SUGCT: variants seen among roughly 807,000 people sequenced by gnomAD.
The protein encoded by SUGCT is succinyl-CoA:glutarate CoA-transferase.
In SUGCT, 41 loss-of-function variants were observed where a neutral mutation model predicts 55.0. That is an observed-to-expected ratio of 0.74 (90% confidence interval 0.58 to 0.97). SUGCT has a LOEUF of 0.97. SUGCT is among the 50% of genes least tolerant of loss of function. The pLI, the probability that SUGCT is intolerant of heterozygous loss-of-function variation, is 0.00. For synonymous variants in SUGCT, 187 were observed against 200.4 expected (o/e 0.93, Z 0.56); for missense variants, 568 against 547.8 (o/e 1.04, Z -0.37).
chr7:40,470,196 T>G (rs999694168), intron 11 of SUGCT, among the ~76,000 whole-genome samples: 3 of 152,070 alleles, frequency 2.0e-5, no homozygotes, highest in African/African-American at 7.2e-5. Flanking sequence ...TCAAATCTGG[T>G]TTGCTCCTCG....
In SUGCT at chr7:40,155,915, C is replaced by T. The variant is rs568514180; in HGVS notation, c.100+20795C>T. On this transcript the variant is annotated intron_variant, in intron 1 of 13. Coordinates refer to ENST00000335693, the MANE Select transcript of SUGCT (RefSeq NM_001193313.2). Reference sequence around the variant, plus strand: ...CTCTGTAGCCCAGGCTAGAGTGCAGCGGCACAATCCTGGCTCACTGCAACC... The same window carrying T: ...CTCTGTAGCCCAGGCTAGAGTGCAGTGGCACAATCCTGGCTCACTGCAACC... Among the ~76,000 whole-genome samples the T allele has an allele frequency of 4.7e-3, 691 of 148,400 alleles. 2 individuals carry two copies. Among genetic ancestry groups the T allele is most frequent in the Non-Finnish European group, 7.9e-3 (536 of 67,524 alleles).
chr7:40,775,313 T>A (rs753556819), intron 13 of SUGCT, among the ~76,000 whole-genome samples: 3 of 152,212 alleles, frequency 2.0e-5, no homozygotes, highest in Non-Finnish European at 4.4e-5. Context: ...AGTAAATATA[T>A]TTTCCTTCTG....
At chr7:40,615,271 C>T (rs908657490) in intron 12 of SUGCT, among the ~76,000 whole-genome samples, 2 of 151,058 alleles carry the variant, frequency 1.3e-5, no homozygotes, top group East Asian at 1.9e-4. Flanking sequence ...AAACAAATGT[C>T]GCAATACAAT....
intron 12 of SUGCT, among the ~76,000 whole-genome samples, chr7:40,638,609 C>G (rs1201464098): frequency 6.6e-6 from 1 of 152,126 alleles, no homozygotes; most frequent in African/African-American, 2.4e-5. Context: ...ACCCAGTACC[C>G]AAGAATAATA....
chr7:40,605,741 A>G (rs112879528), intron 12 of SUGCT, among the ~76,000 whole-genome samples: 41 of 152,342 alleles, frequency 2.7e-4, no homozygotes, highest in Non-Finnish European at 5.7e-4. Context: ...AGGAGTTAGG[A>G]TCTGCTCTGC....
chr7:40,806,818 G>A lies in SUGCT; in HGVS notation c.1154-53498G>A, dbSNP rs1006291631. ...GGGGTCAGCTGAGGTAGAGGCTGGG[G>A]GTTTCAACTAGGCTCTACCCAGCTG... is the stretch of plus-strand genomic sequence containing the variant. On this transcript the variant is annotated intron_variant, in intron 13 of 13. Coordinates refer to ENST00000335693, the MANE Select transcript of SUGCT (RefSeq NM_001193313.2). 1.4e-4 allele frequency among the ~76,000 whole-genome samples: 21 copies of A among 152,120 alleles called. 1 individual carries two copies. Among genetic ancestry groups the A allele is most frequent in the Admixed American group, 1.2e-3 (19 of 15,272 alleles).
intron 12 of SUGCT, among the ~76,000 whole-genome samples, chr7:40,713,716 C>T (rs1020493517): frequency 9.2e-5 from 14 of 152,276 alleles, no homozygotes; most frequent in South Asian, 4.1e-4. Context: ...ACTTACACAT[C>T]TAGCTGTGGT....
intron 6 of SUGCT, among the ~76,000 whole-genome samples, chr7:40,207,604 G>A (rs1445155291): frequency 6.6e-6 from 1 of 152,096 alleles, no homozygotes; most frequent in Non-Finnish European, 1.5e-5. Context: ...GTCACTCGAT[G>A]CCAGAAGTTT....
intron 12 of SUGCT, among the ~76,000 whole-genome samples, chr7:40,673,416 C>G (rs190211597): frequency 6.6e-6 from 1 of 152,334 alleles, no homozygotes; most frequent in Non-Finnish European, 1.5e-5. Context: ...CTCTAACTTC[C>G]CGTGGCCTTT....
intron 7 of SUGCT, among the ~76,000 whole-genome samples, chr7:40,263,527 G>A (rs1395666953): frequency 6.6e-6 from 1 of 152,142 alleles, no homozygotes; most frequent in Non-Finnish European, 1.5e-5. Flanking sequence ...ACATCTCACA[G>A]TATTTATTTA....
intron 13 of SUGCT, among the ~76,000 whole-genome samples, chr7:40,814,286 A>AT (rs908187928): frequency 2.0e-5 from 3 of 151,444 alleles, no homozygotes; most frequent in African/African-American, 4.8e-5. Context: ...ATTTCCTCAA[A>AT]TTTTTTTTTC....
the SUGCT span, among the ~76,000 whole-genome samples, chr7:40,951,907 T>C: frequency 6.6e-6 from 1 of 152,240 alleles, no homozygotes; most frequent in Non-Finnish European, 1.5e-5. Context: ...TGCGATGTGA[T>C]GCTGAGAAGA....
At chr7:40,418,059 G>A (rs1336122631) in intron 9 of SUGCT, among the ~76,000 whole-genome samples, 1 of 152,198 alleles carries the variant, frequency 6.6e-6, no homozygotes, top group East Asian at 1.9e-4. Flanking sequence ...TTTGAACACA[G>A]CCCTAAATTT....
At chr7:40,804,598 A>G (rs908369094) in intron 13 of SUGCT, among the ~76,000 whole-genome samples, 1 of 152,124 alleles carries the variant, frequency 6.6e-6, no homozygotes, top group African/African-American at 2.4e-5. Flanking sequence ...TTTCAATGCA[A>G]TCAGCATTTG....
intron 1 of SUGCT, chr7:40,152,846 G>A (rs1874232): frequency 0.27 from 41,665 of 153,804 alleles, 6,863 homozygotes; most frequent in South Asian, 0.46. Flanking sequence ...GACTACAAGC[G>A]CCCACCACCG....
At chr7:40,336,689 C>A (rs1407468921) in intron 9 of SUGCT, among the ~76,000 whole-genome samples, 1 of 152,040 alleles carries the variant, frequency 6.6e-6, no homozygotes, top group Non-Finnish European at 1.5e-5. Flanking sequence ...TTGATCTTTT[C>A]AAAAAACCAG....
At chr7:41,014,557 C>G in the SUGCT span, among the ~76,000 whole-genome samples, 1 of 152,182 alleles carries the variant, frequency 6.6e-6, no homozygotes, top group Non-Finnish European at 1.5e-5. Flanking sequence ...CGCAGTCCCT[C>G]GTGTTGAGTC....
intron 12 of SUGCT, among the ~76,000 whole-genome samples, chr7:40,650,011 G>T (rs1226757824): frequency 6.6e-6 from 1 of 152,218 alleles, no homozygotes; most frequent in Admixed American, 6.5e-5. Flanking sequence ...GAAGACTGCA[G>T]TTGACATGCT....
At position 40,232,256 on chromosome 7, in the gene SUGCT, T is replaced by C. The variant is rs1285292798; in HGVS notation, c.485-5379T>C. Among the ~76,000 whole-genome samples the C allele has an allele frequency of 2.0e-5, 3 of 152,204 alleles. No homozygotes were observed. In the East Asian group the frequency reaches 5.8e-4, roughly 29 times the overall value. On this transcript the variant is annotated intron_variant, in intron 6 of 13. Transcript: ENST00000335693. Reference sequence around the variant, plus strand: ...AAGTGAAAGCCTCATCCTGAGTCTCTTGGTTGCTTGGAAGCCTCAAAGCTG... The same window carrying C: ...AAGTGAAAGCCTCATCCTGAGTCTCCTGGTTGCTTGGAAGCCTCAAAGCTG...
Sources: allele counts gnomAD v4.1 joint callset (sites outside exome capture counted in the v4.1 genomes callset), GRCh38; gene constraint gnomAD v4.1.1; transcripts MANE v1.5; gene names NCBI Gene and HGNC (gene_info 2026-07-23, HGNC 2026-07-21).